TANC2: variants seen among roughly 807,000 people sequenced by gnomAD.
TANC2 encodes the protein protein TANC2.
TANC2 carries 26 observed loss-of-function variants against 210.5 expected under a neutral mutation model. The observed-to-expected ratio is 0.12, with a 90% CI of 0.09 to 0.17. The LOEUF is 0.17. Ranked by LOEUF, TANC2 falls within the 10% of genes least tolerant of loss-of-function variation. The pLI is 1.00. For synonymous variants in TANC2, 931 were observed against 967.1 expected (o/e 0.96, Z 0.69); for missense variants, 2,129 against 2,608.9 (o/e 0.82, Z 4.01).
At chr17:63,370,886 C>T (rs944281151) in intron 14 of TANC2, among the ~76,000 whole-genome samples, 1 of 152,120 alleles carries the variant, frequency 6.6e-6, no homozygotes, top group African/African-American at 2.4e-5. Flanking sequence ...GTCACATAAC[C>T]CCACTTGAAT....
Position 63,420,776 on chromosome 17 carries a change from T to A in TANC2, c.5046T>A (p.Val1682=), listed in dbSNP as rs2049001863. 1 of 1,613,858 alleles carries A rather than the reference T, an allele frequency of 6.2e-7. No individual in the cohort carries two copies. Among genetic ancestry groups the A allele is most frequent in the African/African-American group, 1.3e-5 (1 of 74,900 alleles). The change falls in exon 28 of 28, where the codon GTT becomes GTA. Residue 1682 remains valine (V), a synonymous_variant. Coordinates refer to ENST00000689528, the Ensembl canonical transcript of TANC2. This position sits in a 1 kb window ranked among gnomAD's most constrained non-coding sequence, Gnocchi z 4.2. The stretch of plus-strand genomic sequence containing the variant: ...AGATGCCTCAGCTCCCTGTGGCAGT[T>A]CCCCAGCAAGGGCTCAGGCTACAGC...
At chr17:63,250,165 T>G (rs531614027) in intron 8 of TANC2, among the ~76,000 whole-genome samples, 1 of 152,272 alleles carries the variant, frequency 6.6e-6, no homozygotes, top group South Asian at 2.1e-4. Flanking sequence ...TTTTTAAAGC[T>G]TTTTCTCTTT....
intron 2 of TANC2, among the ~76,000 whole-genome samples, chr17:63,050,191 G>A (rs2035529027): frequency 6.6e-6 from 1 of 151,650 alleles, no homozygotes; most frequent in Admixed American, 6.6e-5. Flanking sequence ...ATCTTAAAGG[G>A]GCCTTAAGCA....
chr17:63,215,716 T>C (rs1048399212), intron 7 of TANC2, among the ~76,000 whole-genome samples: 4 of 151,916 alleles, frequency 2.6e-5, no homozygotes, highest in Non-Finnish European at 5.9e-5. Context: ...TTATTTTATT[T>C]TGTTTTGTTT....
intron 4 of TANC2, among the ~76,000 whole-genome samples, chr17:63,144,989 C>G (rs1038595103): frequency 6.6e-5 from 10 of 151,688 alleles, no homozygotes; most frequent in South Asian, 2.1e-4. Context: ...TACCCTGTGC[C>G]AAAATGTCAG....
At chr17:63,245,791 T>G (rs1598694804) in intron 8 of TANC2, among the ~76,000 whole-genome samples, 1 of 146,840 alleles carries the variant, frequency 6.8e-6, no homozygotes, top group Non-Finnish European at 1.5e-5. Flanking sequence ...TGCAGTGAGC[T>G]GAGATCGTGC....
chr17:63,111,423 T>C (rs1027660882), intron 4 of TANC2, among the ~76,000 whole-genome samples: 2 of 152,252 alleles, frequency 1.3e-5, no homozygotes, highest in African/African-American at 2.4e-5. Context: ...ATCTTTCCCA[T>C]GCAGCAGATC....
chr17:63,316,803 T>C (rs1187892200), intron 10 of TANC2, among the ~76,000 whole-genome samples: 5 of 152,192 alleles, frequency 3.3e-5, no homozygotes, highest in South Asian at 2.1e-4. Flanking sequence ...GTGACTGATA[T>C]AATGCAAGCT....
At chr17:63,129,178 A>G (rs2038825336) in intron 4 of TANC2, among the ~76,000 whole-genome samples, 1 of 151,632 alleles carries the variant, frequency 6.6e-6, no homozygotes, top group African/African-American at 2.4e-5. Flanking sequence ...TTTTAATTTT[A>G]ACTTTTGTAG....
chr17:63,244,899 G>A (rs1319767109), intron 8 of TANC2, among the ~76,000 whole-genome samples: 1 of 152,124 alleles, frequency 6.6e-6, no homozygotes. Flanking sequence ...ATAAAGGGGA[G>A]TATGTCATGT....
chr17:63,149,525 C>T (rs1031616073), intron 4 of TANC2: 7 of 152,060 alleles, frequency 4.6e-5, no homozygotes, highest in African/African-American at 1.7e-4. Flanking sequence ...TGTCAGAACT[C>T]AGCAGGTAAA....
At position 63,412,832 on chromosome 17, in the gene TANC2, AAAG is replaced by A. The variant is rs2048745668; in HGVS notation, c.3928+128_3928+130del. 1.6e-6 allele frequency: 2 copies of A among 1,230,012 alleles called. No homozygotes were observed. The highest frequency in any genetic ancestry group is 2.2e-6 in the Non-Finnish European group (2 of 907,232). The allele number at this position is 1,230,012 out of a possible 1,614,324, so 76.2% of individuals were successfully genotyped here. On this transcript the variant is annotated intron_variant, in intron 24 of 27. Transcript: ENST00000689528. The surrounding 1 kb of genome is among the most constrained non-coding windows in gnomAD (Gnocchi z 4.2). ...TAATCTTTTAATTTACTTCACCTTAAAAGAAGATTTTTTTTAATGACTGTTGTA... is the reference window on the plus strand; with the variant it reads ...TAATCTTTTAATTTACTTCACCTTAAAAGATTTTTTTTAATGACTGTTGTA...
At chr17:63,019,177 C>G (rs2034242909) in intron 2 of TANC2, among the ~76,000 whole-genome samples, 2 of 152,074 alleles carry the variant, frequency 1.3e-5, no homozygotes, top group African/African-American at 4.8e-5. Flanking sequence ...TCTCCTCATC[C>G]TTACCAGCAT....
intron 27 of TANC2, 32 bp from the exon 28 acceptor site, chr17:63,419,966 CT>C: frequency 6.6e-7 from 1 of 1,505,846 alleles, no homozygotes. Flanking sequence ...TTCAGAATAA[CT>C]CCAGTTCCTG....
chr17:63,205,491 T>G (rs2041681269), intron 7 of TANC2, among the ~76,000 whole-genome samples: 1 of 152,042 alleles, frequency 6.6e-6, no homozygotes, highest in South Asian at 2.1e-4. Context: ...GAGGAAATCT[T>G]TGGACATTGC....
At chr17:63,221,598 G>C (rs1265049813) in intron 7 of TANC2, among the ~76,000 whole-genome samples, 2 of 152,072 alleles carry the variant, frequency 1.3e-5, no homozygotes, top group African/African-American at 4.8e-5. Flanking sequence ...TCAATAAAAT[G>C]AGCAAGCGAT....
intron 2 of TANC2, among the ~76,000 whole-genome samples, chr17:63,031,257 A>G (rs2034759581): frequency 6.6e-6 from 1 of 152,110 alleles, no homozygotes; most frequent in African/African-American, 2.4e-5. Flanking sequence ...TCTTTTTTGT[A>G]CCTGAAAGAG....
At chr17:63,321,382 C>T (rs1444178940) in intron 11 of TANC2, among the ~76,000 whole-genome samples, 1 of 152,114 alleles carries the variant, frequency 6.6e-6, no homozygotes, top group Non-Finnish European at 1.5e-5. Context: ...AACAGTTCTT[C>T]CTTTTCTCCA....
chr17:63,365,015 C>T (rs931743426), intron 14 of TANC2, among the ~76,000 whole-genome samples: 2 of 152,118 alleles, frequency 1.3e-5, no homozygotes, highest in African/African-American at 2.4e-5. Flanking sequence ...GAAAGTAGCA[C>T]AGGAATTAGA....
Sources: gnomAD v4.1 joint callset for allele counts (sites outside exome capture counted in the v4.1 genomes callset) on GRCh38, gnomAD v4.1.1 for gene constraint, Gnocchi (gnomAD v3.1) non-coding constraint, MANE v1.5 for transcripts, NCBI Gene and HGNC (gene_info 2026-07-23, HGNC 2026-07-21) for gene names.